Variants in NTM observed in about 807,000 individuals in gnomAD.
The protein encoded by NTM is neurotrimin.
NTM carries 13 observed loss-of-function variants against 42.1 expected under a neutral mutation model. The observed-to-expected ratio is 0.31, with a 90% CI of 0.20 to 0.49. NTM has a LOEUF of 0.49. Ranked by LOEUF, NTM falls within the 20% of genes least tolerant of loss-of-function variation. The pLI is 0.99. For synonymous variants in NTM, 187 were observed against 179.2 expected (o/e 1.04, Z -0.35); for missense variants, 373 against 452.8 (o/e 0.82, Z 1.60).
chr11:131,833,050 T>C (rs1487664268), intron 1 of NTM, among the ~76,000 whole-genome samples: 2 of 152,230 alleles, frequency 1.3e-5, no homozygotes, highest in African/African-American at 2.4e-5. Flanking sequence ...TTCTCTACAA[T>C]AGTAACTAGC....
chr11:131,972,285 G>A (rs936903947), intron 2 of NTM, among the ~76,000 whole-genome samples: 6 of 151,880 alleles, frequency 4.0e-5, no homozygotes, highest in African/African-American at 1.5e-4. Context: ...TACTAAAACT[G>A]AATGAGTTAA....
At chr11:131,401,176 A>C (rs1349811146) in intron 1 of NTM, among the ~76,000 whole-genome samples, 1 of 152,054 alleles carries the variant, frequency 6.6e-6, no homozygotes, top group Non-Finnish European at 1.5e-5. Flanking sequence ...AACAACAAAA[A>C]AACACCTAGA....
At chr11:132,076,085 T>C (rs1298750748) in intron 2 of NTM, among the ~76,000 whole-genome samples, 2 of 152,244 alleles carry the variant, frequency 1.3e-5, no homozygotes, top group East Asian at 3.8e-4. Flanking sequence ...TTAATGAGTA[T>C]GTGTTGTTGA....
intron 1 of NTM, among the ~76,000 whole-genome samples, chr11:131,586,165 G>A (rs1178237681): frequency 6.6e-6 from 1 of 152,008 alleles, no homozygotes; most frequent in African/African-American, 2.4e-5. Flanking sequence ...GAGTGCAGTG[G>A]TGCAATCACA....
At chr11:131,729,094 C>A (rs564675048) in intron 1 of NTM, among the ~76,000 whole-genome samples, 26 of 152,178 alleles carry the variant, frequency 1.7e-4, no homozygotes, top group Admixed American at 2.6e-4. Context: ...AATGTCCAGG[C>A]ATGTACTAAA....
At chr11:131,492,859 T>C (rs928858183) in intron 1 of NTM, among the ~76,000 whole-genome samples, 2 of 152,156 alleles carry the variant, frequency 1.3e-5, no homozygotes, top group African/African-American at 2.4e-5. Context: ...AAGTGTAGTC[T>C]TAAGCTGCAA....
In NTM at chr11:132,325,697, G is replaced by T. The variant is rs1004337905; in HGVS notation, c.935-4456G>T. Reference sequence around the variant, plus strand: ...TACCCAAAGGACTATAAATCATGCTGCTATAAAGACACACGCACACATATG... The same window carrying T: ...TACCCAAAGGACTATAAATCATGCTTCTATAAAGACACACGCACACATATG... On this transcript the variant is annotated intron_variant, in intron 7 of 8. Transcript: ENST00000683400. Among the ~76,000 whole-genome samples, 128 of 152,224 alleles carry T rather than the reference G, an allele frequency of 8.4e-4. 1 individual carries two copies. Among genetic ancestry groups the T allele is most frequent in the Non-Finnish European group, 1.7e-3 (117 of 68,014 alleles).
chr11:132,333,844 C>A (rs543428971), intron 8 of NTM, among the ~76,000 whole-genome samples: 1 of 152,346 alleles, frequency 6.6e-6, no homozygotes, highest in African/African-American at 2.4e-5. Flanking sequence ...GGCACTGCCT[C>A]CTAGCCAGGA....
chr11:132,318,738 C>G (rs2095492793), intron 7 of NTM, among the ~76,000 whole-genome samples: 1 of 152,178 alleles, frequency 6.6e-6, no homozygotes, highest in Non-Finnish European at 1.5e-5. Flanking sequence ...GAATGCTTCT[C>G]CCACCTTCCA....
chr11:131,631,029 C>T (rs1156361459), intron 1 of NTM, among the ~76,000 whole-genome samples: 4 of 152,230 alleles, frequency 2.6e-5, no homozygotes, highest in African/African-American at 9.6e-5. Context: ...CCAGTGAACT[C>T]TGTTCTGTTG....
At chr11:131,911,082 C>A in intron 1 of NTM, 1 of 1,127,040 alleles carries the variant, frequency 8.9e-7, no homozygotes, top group Non-Finnish European at 1.1e-6. Flanking sequence ...AAGCCCACCC[C>A]GTCCCCTTCT....
At chr11:131,872,906 T>A (rs2047941086) in intron 1 of NTM, among the ~76,000 whole-genome samples, 1 of 152,146 alleles carries the variant, frequency 6.6e-6, no homozygotes. Flanking sequence ...TCTAGATCCT[T>A]GAGGAATCAC....
intron 1 of NTM, among the ~76,000 whole-genome samples, chr11:131,630,383 G>A (rs1159481954): frequency 6.6e-6 from 1 of 152,156 alleles, no homozygotes; most frequent in African/African-American, 2.4e-5. Flanking sequence ...ATTTGGACAA[G>A]CTCTTTAGAT....
intron 1 of NTM, among the ~76,000 whole-genome samples, chr11:131,423,119 G>C (rs927343483): frequency 1.3e-5 from 2 of 152,192 alleles, no homozygotes; most frequent in African/African-American, 2.4e-5. Context: ...AGTTGAACAA[G>C]ATTCAACATT....
At chr11:131,789,631 GAAGAAAAGAAGAAGA>G (rs2090455140) in intron 1 of NTM, among the ~76,000 whole-genome samples, 1 of 84,636 alleles carries the variant, frequency 1.2e-5, no homozygotes, top group Admixed American at 1.3e-4. Context: ...AGAAGAAGAA[GAAGAAAAGAAGAAGA>G]AGAAGAAGAA....
intron 1 of NTM, among the ~76,000 whole-genome samples, chr11:131,882,623 G>A (rs954955745): frequency 1.3e-5 from 2 of 152,166 alleles, no homozygotes; most frequent in Non-Finnish European, 2.9e-5. Flanking sequence ...GGAGTATCTC[G>A]TGAAGAGAGT....
At chr11:131,397,107 A>T (rs959618397) in intron 1 of NTM, among the ~76,000 whole-genome samples, 1 of 152,214 alleles carries the variant, frequency 6.6e-6, no homozygotes, top group Non-Finnish European at 1.5e-5. Context: ...GTCAAGTGAC[A>T]TGCCCCAGAG....
intron 1 of NTM, among the ~76,000 whole-genome samples, chr11:131,666,999 G>A (rs898854270): frequency 5.3e-5 from 8 of 152,186 alleles, no homozygotes; most frequent in East Asian, 1.9e-4. Context: ...GGAGGCCTAG[G>A]GGACCCTAGC....
chr11:131,750,876 G>A (rs1360695504), intron 1 of NTM, among the ~76,000 whole-genome samples: 1 of 152,090 alleles, frequency 6.6e-6, no homozygotes, highest in Non-Finnish European at 1.5e-5. Flanking sequence ...GTCCGGGGAT[G>A]CCTGCTCTCT....
Sources: gnomAD v4.1 joint callset for allele counts (sites outside exome capture counted in the v4.1 genomes callset) on GRCh38, gnomAD v4.1.1 for gene constraint, MANE v1.5 for transcripts, NCBI Gene and HGNC (gene_info 2026-07-23, HGNC 2026-07-21) for gene names.